The following COL19A1 variants were observed in gnomAD, a reference collection of about 807,000 sequenced individuals.
COL19A1 encodes the protein collagen type XIX alpha 1 chain.
A neutral mutation model predicts 190.2 loss-of-function variants in COL19A1; 159 were observed. The ratio of observed to expected loss-of-function variants is 0.84; its 90% CI spans 0.73 to 0.95. COL19A1 has a LOEUF of 0.95. Ranked by LOEUF, COL19A1 falls within the 40% of genes least tolerant of loss-of-function variation. The pLI, the probability that COL19A1 is intolerant of heterozygous loss-of-function variation, is 0.00. For synonymous variants in COL19A1, 509 were observed against 458.9 expected, an observed-to-expected ratio of 1.11 and a Z score of -1.39; for missense variants, 1,418 against 1,431.9, an observed-to-expected ratio of 0.99 and a Z score of 0.16.
At position 70,034,036 on chromosome 6, in the gene COL19A1, G is replaced by A. The variant is rs550125382; in HGVS notation, c.1081-209G>A. 2.0e-5 allele frequency among the ~76,000 whole-genome samples: 3 copies of A among 152,252 alleles called. No individual in the cohort carries two copies. In the East Asian group the frequency reaches 5.8e-4, roughly 29 times the overall value. On this transcript the variant is annotated intron_variant, in intron 12 of 50. Transcript: ENST00000620364. ...CAAAGTTGCACAAATATGCAGTATT[G>A]AGGACTCGCGCTGATTTAATGTATC...
intron 7 of COL19A1, among the ~76,000 whole-genome samples, chr6:69,933,753 C>A (rs1349562144): frequency 1.3e-5 from 2 of 151,946 alleles, no homozygotes; most frequent in African/African-American, 2.4e-5. Flanking sequence ...GATTTAAGTA[C>A]AATTCAGACT....
At chr6:70,038,161 A>G (rs1779452095) in intron 14 of COL19A1, among the ~76,000 whole-genome samples, 1 of 152,238 alleles carries the variant, frequency 6.6e-6, no homozygotes, top group African/African-American at 2.4e-5. Context: ...TAACTGCGTT[A>G]TATTTGGATT....
chr6:70,063,338 C>T lies in COL19A1; in HGVS notation c.1171-5085C>T, dbSNP rs192218765. On this transcript the variant is annotated intron_variant, in intron 14 of 50. Transcript: ENST00000620364. ...CAGGATTAAGAAACTCACTCAAAACCGCTCAACTACATGGAAACTGAACAA... is the reference window on the plus strand; with the variant it reads ...CAGGATTAAGAAACTCACTCAAAACTGCTCAACTACATGGAAACTGAACAA... Among the ~76,000 whole-genome samples the T allele has an allele frequency of 2.8e-3, 430 of 152,162 alleles. 8 individuals carry two copies. Among genetic ancestry groups the T allele is most frequent in the African/African-American group, 9.7e-3 (402 of 41,512 alleles).
At chr6:70,114,892 A>G (rs1158930410) in intron 16 of COL19A1, among the ~76,000 whole-genome samples, 3 of 152,220 alleles carry the variant, frequency 2.0e-5, no homozygotes, top group Non-Finnish European at 2.9e-5. Context: ...AGAGCATTTA[A>G]GTTTCATAAC....
At chr6:69,907,614 T>C (rs1770649814) in intron 4 of COL19A1, among the ~76,000 whole-genome samples, 2 of 152,242 alleles carry the variant, frequency 1.3e-5, no homozygotes, top group Non-Finnish European at 2.9e-5. Context: ...TTTTCCAATA[T>C]CTTCTGTAGC....
intron 48 of COL19A1, among the ~76,000 whole-genome samples, chr6:70,199,384 A>G (rs1430051975): frequency 6.6e-6 from 1 of 152,254 alleles, no homozygotes; most frequent in Non-Finnish European, 1.5e-5. Context: ...GAAAATTCTC[A>G]GACTTTCTGA....
rs139424726 is a variant in COL19A1, at chr6:70,007,972, C to T, written c.1027-15655C>T. Among the ~76,000 whole-genome samples, 514 of 151,782 alleles carry T rather than the reference C, an allele frequency of 3.4e-3. 6 individuals carry two copies. Among genetic ancestry groups the T allele is most frequent in the African/African-American group, 0.012 (484 of 41,462 alleles). ...AAATGAAAAAATATGATTCTCAACA[C>T]CCTGTAGGTCAAAGAAGGAATCAAA... On this transcript the variant is annotated intron_variant, in intron 11 of 50. Coordinates refer to ENST00000620364, the MANE Select transcript of COL19A1 (RefSeq NM_001858.6).
chr6:69,898,397 C>T (rs1582323660), intron 2 of COL19A1, among the ~76,000 whole-genome samples: 1 of 152,144 alleles, frequency 6.6e-6, no homozygotes, highest in East Asian at 1.9e-4. Flanking sequence ...CTTTGAATAT[C>T]ACTAAGTGCT....
chr6:69,989,044 C>G (rs1488195871), intron 11 of COL19A1, among the ~76,000 whole-genome samples: 1 of 152,184 alleles, frequency 6.6e-6, no homozygotes, highest in Admixed American at 6.6e-5. Flanking sequence ...CATCTCATTT[C>G]TCATAGCCGC....
intron 4 of COL19A1, among the ~76,000 whole-genome samples, chr6:69,922,188 A>G (rs1772018395): frequency 6.6e-6 from 1 of 152,008 alleles, no homozygotes; most frequent in African/African-American, 2.4e-5. Flanking sequence ...TTCAAATAGC[A>G]TAATCTTGGC....
intron 17 of COL19A1, among the ~76,000 whole-genome samples, chr6:70,126,308 A>G (rs768310129): frequency 6.6e-6 from 1 of 152,204 alleles, no homozygotes; most frequent in Non-Finnish European, 1.5e-5. Context: ...GTTAAACCCA[A>G]CGATGGCATA....
intron 31 of COL19A1, among the ~76,000 whole-genome samples, chr6:70,154,005 C>T (rs572679093): frequency 2.4e-4 from 37 of 151,938 alleles, no homozygotes; most frequent in Non-Finnish European, 4.6e-4. Flanking sequence ...ATGTGCAGAA[C>T]GTGCAGCTTT....
intron 11 of COL19A1, among the ~76,000 whole-genome samples, chr6:69,997,954 A>G (rs1201469586): frequency 2.6e-5 from 4 of 152,304 alleles, no homozygotes; most frequent in African/African-American, 4.8e-5. Context: ...AAAGCCAAAA[A>G]AAACAGTAAA....
At chr6:69,935,459 C>T (rs571553105) in intron 7 of COL19A1, among the ~76,000 whole-genome samples, 1 of 152,122 alleles carries the variant, frequency 6.6e-6, no homozygotes, top group East Asian at 1.9e-4. Context: ...TAAGAACTGG[C>T]TGAAACATCA....
At chr6:69,893,219 T>A (rs1769477575) in intron 2 of COL19A1, among the ~76,000 whole-genome samples, 1 of 152,246 alleles carries the variant, frequency 6.6e-6, no homozygotes, top group Non-Finnish European at 1.5e-5. Flanking sequence ...ATGAGTCCTG[T>A]ACTATTTTCC....
intron 48 of COL19A1, among the ~76,000 whole-genome samples, chr6:70,195,824 A>G (rs916647791): frequency 4.6e-5 from 7 of 152,162 alleles, no homozygotes; most frequent in African/African-American, 1.2e-4. Context: ...GTTTTCTTGC[A>G]TTTGTTAAGT....
rs1469706747 is a variant in COL19A1 at position 70,208,988 on chromosome 6, T to C, written c.*1714T>C. ...GCTGTATATTTCAATTCCAAGTTTATTTATTTTCCAAGGTTATTTTATTTA... is the reference window on the plus strand; with the variant it reads ...GCTGTATATTTCAATTCCAAGTTTACTTATTTTCCAAGGTTATTTTATTTA... On this transcript the variant is annotated 3_prime_UTR_variant, in exon 51 of 51. Transcript: ENST00000620364. 2 of 152,674 alleles carry C rather than the reference T, an allele frequency of 1.3e-5. No homozygotes were observed. Among genetic ancestry groups the C allele is most frequent in the South Asian group, 2.1e-4 (1 of 4,836 alleles). The allele number at this position is 152,674 out of a possible 1,614,324, so 9.5% of individuals were successfully genotyped here. A position where few individuals can be genotyped will look rare whatever the true frequency, so the allele number is the denominator to read the frequency against.
intron 4 of COL19A1, among the ~76,000 whole-genome samples, chr6:69,921,338 A>C (rs1771784370): frequency 8.5e-6 from 1 of 117,790 alleles, no homozygotes; most frequent in South Asian, 2.6e-4. Flanking sequence ...TCATATATCT[A>C]TATATATCAT....
chr6:70,129,350 G>A (rs2145905), intron 17 of COL19A1, among the ~76,000 whole-genome samples: 22,025 of 152,186 alleles, frequency 0.14, 1,685 homozygotes, highest in Middle Eastern at 0.17. Context: ...GCCAATTTTA[G>A]CTACATTTTA....
Sources: allele counts gnomAD v4.1 joint callset (sites outside exome capture counted in the v4.1 genomes callset), GRCh38; gene constraint gnomAD v4.1.1; transcripts MANE v1.5; gene names NCBI Gene and HGNC (gene_info 2026-07-23, HGNC 2026-07-21).